The following ABHD17C variants were observed in gnomAD, a reference collection of about 807,000 sequenced individuals.
ABHD17C encodes the protein alpha/beta hydrolase domain-containing protein 17C.
In ABHD17C, 11 loss-of-function variants were observed where a neutral mutation model predicts 27.9. The ratio of observed to expected loss-of-function variants is 0.39; its 90% CI spans 0.25 to 0.65. The LOEUF is 0.65. ABHD17C is among the 30% of genes least tolerant of loss of function. The pLI is 0.45. For missense variants in ABHD17C, 280 were observed against 470.2 expected, an observed-to-expected ratio of 0.60 and a Z score of 3.74; for synonymous variants, 233 against 209.1, an observed-to-expected ratio of 1.11 and a Z score of -0.98.
chr15:80,732,616 G>C (rs1444354650), intron 1 of ABHD17C, among the ~76,000 whole-genome samples: 1 of 152,138 alleles, frequency 6.6e-6, no homozygotes, highest in Non-Finnish European at 1.5e-5. Flanking sequence ...TGGAAAGTAG[G>C]AAATACAAGG....
At chr15:80,700,841 C>T (rs547509454) in intron 1 of ABHD17C, among the ~76,000 whole-genome samples, 120 of 152,256 alleles carry the variant, frequency 7.9e-4, no homozygotes, top group African/African-American at 2.8e-3. Context: ...TTTGAGACTG[C>T]AGTGAGCTGT....
chr15:80,695,894 C>T lies in ABHD17C; in HGVS notation c.465C>T (p.Leu155=), dbSNP rs1374015129. 1 of 1,597,272 alleles carries T rather than the reference C, an allele frequency of 6.3e-7. No homozygotes were observed. The highest frequency in any genetic ancestry group is 8.5e-7 in the Non-Finnish European group (1 of 1,179,208). The change falls in exon 1 of 3, where the codon CTC becomes CTT. Residue 155 remains leucine (L), a synonymous_variant. Transcript: ENST00000258884. This position sits in a 1 kb window ranked among gnomAD's most constrained non-coding sequence, Gnocchi z 4.3. ...LGQMCSFYIG[L]GSRINCNIFS... ...AGATGTGCAGCTTCTACATTGGCCT[C>T]GGCTCCCGCATCAACTGCAACATCT... is the stretch of plus-strand genomic sequence containing the variant.
Position 80,701,895 on chromosome 15 carries a change from C to G in ABHD17C, c.590+5876C>G, listed in dbSNP as rs888841148. Reference sequence around the variant, plus strand: ...GCCCTTCTCTTTGGTCCACCTTCAGCCTGTTTCCAAGTGCTCTTTTGTCAT... The same window carrying G: ...GCCCTTCTCTTTGGTCCACCTTCAGGCTGTTTCCAAGTGCTCTTTTGTCAT... On this transcript the variant is annotated intron_variant, in intron 1 of 2. Coordinates refer to ENST00000258884, the MANE Select transcript of ABHD17C (RefSeq NM_021214.2). Among the ~76,000 whole-genome samples, 3 of 152,266 alleles carry G rather than the reference C, an allele frequency of 2.0e-5. 1 individual carries two copies.
chr15:80,713,233 C>T (rs138374386), intron 1 of ABHD17C, among the ~76,000 whole-genome samples: 4 of 152,070 alleles, frequency 2.6e-5, no homozygotes, highest in South Asian at 2.1e-4. Flanking sequence ...CTTGGTGTGC[C>T]GTGGTAACAG....
intron 1 of ABHD17C, among the ~76,000 whole-genome samples, chr15:80,713,220 C>G (rs1894751071): frequency 6.6e-6 from 1 of 152,118 alleles, no homozygotes; most frequent in African/African-American, 2.4e-5. Context: ...GAGCCAGGCT[C>G]TCCTTGGTGT....
intron 1 of ABHD17C, among the ~76,000 whole-genome samples, chr15:80,704,297 G>A (rs544112763): frequency 4.1e-4 from 62 of 152,218 alleles, no homozygotes; most frequent in Middle Eastern, 3.4e-3. Flanking sequence ...CCACATGCCT[G>A]TCCCATTGCT....
chr15:80,718,027 T>C (rs970884244), intron 1 of ABHD17C, among the ~76,000 whole-genome samples: 3 of 152,160 alleles, frequency 2.0e-5, no homozygotes, highest in East Asian at 1.9e-4. Flanking sequence ...TGCCTGATTA[T>C]TGAAAAATAA....
chr15:80,696,801 T>G (rs1395739273), intron 1 of ABHD17C, among the ~76,000 whole-genome samples: 2 of 152,204 alleles, frequency 1.3e-5, no homozygotes, highest in East Asian at 1.9e-4. Context: ...TAGACCTGGT[T>G]GTTTTATAAC....
At chr15:80,742,797 G>C (rs1486933456) in intron 1 of ABHD17C, among the ~76,000 whole-genome samples, 1 of 152,138 alleles carries the variant, frequency 6.6e-6, no homozygotes, top group East Asian at 1.9e-4. Flanking sequence ...GGCAGGAGGA[G>C]GAACCAAGAG....
chr15:80,720,723 C>G (rs1161769333), intron 1 of ABHD17C, among the ~76,000 whole-genome samples: 1 of 151,998 alleles, frequency 6.6e-6, no homozygotes, highest in African/African-American at 2.4e-5. Flanking sequence ...GAGTTTGTGA[C>G]CAACCTGGCC....
chr15:80,752,796 C>G (rs1316077448), intron 2 of ABHD17C, among the ~76,000 whole-genome samples: 1 of 152,168 alleles, frequency 6.6e-6, no homozygotes, highest in African/African-American at 2.4e-5. Flanking sequence ...TGACTGTTAT[C>G]CCGATCAGAG....
At chr15:80,746,583 T>C (rs1353566606) in intron 1 of ABHD17C, among the ~76,000 whole-genome samples, 1 of 152,218 alleles carries the variant, frequency 6.6e-6, no homozygotes, top group Admixed American at 6.5e-5. Flanking sequence ...TGTGTCCTAG[T>C]GCTGAGAACC....
intron 1 of ABHD17C, among the ~76,000 whole-genome samples, chr15:80,745,199 T>G (rs973401802): frequency 6.6e-6 from 1 of 152,198 alleles, no homozygotes; most frequent in Non-Finnish European, 1.5e-5. Context: ...TTCTCTCCAG[T>G]GATGACCCTT....
intron 1 of ABHD17C, among the ~76,000 whole-genome samples, chr15:80,726,560 G>A (rs1894981070): frequency 7.7e-6 from 1 of 130,080 alleles, no homozygotes; most frequent in South Asian, 2.5e-4. Flanking sequence ...CGCCTAGGCT[G>A]GAGGGCGGTG....
intron 1 of ABHD17C, among the ~76,000 whole-genome samples, chr15:80,737,415 C>T (rs1182583580): frequency 6.6e-6 from 1 of 152,166 alleles, no homozygotes; most frequent in Non-Finnish European, 1.5e-5. Context: ...GGAATGATGA[C>T]TGTGTCTGAA....
chr15:80,695,865 G>A lies in ABHD17C; in HGVS notation c.436G>A (p.Gly146Ser). 6.3e-7 allele frequency: 1 copy of A among 1,596,378 alleles called. No homozygotes were observed. Among genetic ancestry groups the A allele is most frequent in the Non-Finnish European group, 8.5e-7 (1 of 1,178,912 alleles). Residue 146 changes from glycine (G) to serine (S), a missense_variant, in exon 1 of 3, where the codon GGC (glycine) becomes AGC (serine). By Grantham distance (56) the Gly-to-Ser change is moderately conservative. Around this residue, in one of 2 missense-constraint regions of ABHD17C, gnomAD observed 206 missense variants for 394.7 expected, o/e 0.52. Transcript: ENST00000258884. The surrounding 1 kb of genome is among the most constrained non-coding windows in gnomAD (Gnocchi z 4.3). ...LFSHGNAVDL[G>S]QMCSFYIGLG... ...CTCGCACGGCAACGCCGTGGACCTG[G>A]GCCAGATGTGCAGCTTCTACATTGG...
At chr15:80,743,298 T>C (rs997384733) in intron 1 of ABHD17C, among the ~76,000 whole-genome samples, 1 of 152,092 alleles carries the variant, frequency 6.6e-6, no homozygotes, top group African/African-American at 2.4e-5. Context: ...TGGTGTAGTC[T>C]GTGGAGGAGT....
chr15:80,726,780 C>A (rs1894986116), intron 1 of ABHD17C, among the ~76,000 whole-genome samples: 1 of 152,302 alleles, frequency 6.6e-6, no homozygotes, highest in Non-Finnish European at 1.5e-5. Context: ...CCGCCTCAGC[C>A]TCCCAAAGTG....
chr15:80,713,795 C>A (rs1249843100), intron 1 of ABHD17C, among the ~76,000 whole-genome samples: 1 of 150,736 alleles, frequency 6.6e-6, no homozygotes, highest in Non-Finnish European at 1.5e-5. Flanking sequence ...AGTGACAGAG[C>A]GAGATTCCGT....
Sources: gnomAD v4.1 joint callset for allele counts (sites outside exome capture counted in the v4.1 genomes callset) on GRCh38, gnomAD v4.1.1 for gene constraint, gnomAD v4.1.1 regional missense constraint, Gnocchi (gnomAD v3.1) non-coding constraint, MANE v1.5 for transcripts, NCBI Gene and HGNC (gene_info 2026-07-23, HGNC 2026-07-21) for gene names.